NBEA: variants seen among roughly 807,000 people sequenced by gnomAD.
NBEA encodes the protein neurobeachin.
A neutral mutation model predicts 343.4 loss-of-function variants in NBEA; 44 were observed. That is an observed-to-expected ratio of 0.13 (90% CI 0.10 to 0.16). The LOEUF (loss-of-function observed/expected upper bound fraction) is 0.16. Ranked by LOEUF, NBEA falls within the 10% of genes least tolerant of loss-of-function variation. NBEA has a pLI of 1.00. For synonymous variants in NBEA, 1,175 were observed against 1,238.7 expected, an observed-to-expected ratio of 0.95 and a Z score of 1.08; for missense variants, 2,555 against 3,631.3, an observed-to-expected ratio of 0.70 and a Z score of 7.62.
intron 34 of NBEA, among the ~76,000 whole-genome samples, chr13:35,261,721 C>T (rs1301374268): frequency 4.6e-5 from 7 of 151,338 alleles, no homozygotes; most frequent in Non-Finnish European, 1.0e-4. Context: ...AGAGAAAAGA[C>T]GAAAAAAGAA....
intron 10 of NBEA, among the ~76,000 whole-genome samples, chr13:35,086,691 G>T (rs992997260): frequency 6.6e-6 from 1 of 151,722 alleles, no homozygotes; most frequent in East Asian, 1.9e-4. Flanking sequence ...AGGATTGCTG[G>T]GTCGAATGGT....
intron 25 of NBEA, 24 bp downstream of exon 25, chr13:35,169,019 T>A (rs372969665): frequency 1.4e-6 from 2 of 1,476,146 alleles, no homozygotes; most frequent in African/African-American, 2.8e-5. Context: ...TTGTAGTAAT[T>A]TTCAGCTTTC....
At chr13:35,603,863 T>C (rs1024747942) in intron 47 of NBEA, among the ~76,000 whole-genome samples, 1 of 152,250 alleles carries the variant, frequency 6.6e-6, no homozygotes, top group Non-Finnish European at 1.5e-5. Flanking sequence ...CCAGGTCATA[T>C]GCAAATAGCA....
intron 48 of NBEA, among the ~76,000 whole-genome samples, chr13:35,609,310 A>G (rs1460379074): frequency 6.6e-6 from 1 of 152,344 alleles, no homozygotes; most frequent in East Asian, 1.9e-4. Context: ...GGACTAGGCC[A>G]CATTTCCTGC....
intron 41 of NBEA, among the ~76,000 whole-genome samples, chr13:35,535,744 A>G (rs1157592221): frequency 6.6e-6 from 1 of 152,194 alleles, no homozygotes; most frequent in Non-Finnish European, 1.5e-5. Context: ...AAGTTATACA[A>G]ACTTTAGAGT....
chr13:34,968,570 T>C (rs2059902155), intron 1 of NBEA, among the ~76,000 whole-genome samples: 1 of 152,262 alleles, frequency 6.6e-6, no homozygotes, highest in East Asian at 1.9e-4. Context: ...ATTACTGATA[T>C]GTAAATGAAT....
At chr13:35,182,604 A>G in intron 29 of NBEA, 76 bp downstream of exon 29, 1 of 1,325,216 alleles carries the variant, frequency 7.5e-7, no homozygotes, top group South Asian at 1.4e-5. Context: ...TCTAGATTTA[A>G]ACTGGACCTC....
At chr13:35,376,660 T>C (rs2041758301) in intron 38 of NBEA, among the ~76,000 whole-genome samples, 1 of 151,980 alleles carries the variant, frequency 6.6e-6, no homozygotes, top group Non-Finnish European at 1.5e-5. Context: ...AGTCTTAGGG[T>C]GAAACTGATA....
intron 8 of NBEA, among the ~76,000 whole-genome samples, chr13:35,068,914 C>T (rs1479476238): frequency 6.6e-6 from 1 of 152,086 alleles, no homozygotes; most frequent in African/African-American, 2.4e-5. Context: ...TTGAGGAAGT[C>T]CCCATCTGGC....
intron 25 of NBEA, chr13:35,171,066 TC>T: frequency 1.4e-6 from 1 of 697,188 alleles, no homozygotes; most frequent in Non-Finnish European, 2.6e-6. Flanking sequence ...AATGGGCTTT[TC>T]CTTTATTCAA....
intron 10 of NBEA, among the ~76,000 whole-genome samples, chr13:35,076,447 C>T (rs1273958729): frequency 6.6e-6 from 1 of 152,066 alleles, no homozygotes; most frequent in East Asian, 1.9e-4. Context: ...ATTATTCTGT[C>T]TGAAACATCA....
intron 41 of NBEA, chr13:35,475,941 G>A (rs2075842523): frequency 6.2e-7 from 1 of 1,614,006 alleles, no homozygotes; most frequent in African/African-American, 1.3e-5. Context: ...AGATGACCTC[G>A]AGGCCCTCGT....
intron 49 of NBEA, among the ~76,000 whole-genome samples, chr13:35,634,517 G>A (rs919568347): frequency 1.3e-5 from 2 of 152,150 alleles, no homozygotes; most frequent in Non-Finnish European, 2.9e-5. Context: ...ACTAAGTTCT[G>A]AACTTGTCAT....
At position 35,352,140 on chromosome 13, in the gene NBEA, T is replaced by G; in HGVS notation, c.6013-17T>G. The stretch of plus-strand genomic sequence containing the variant: ...GTAAAAAGTTTATTATTATGCATCA[T>G]TTGTATTTCTTTATAGTCACAGTGT... On this transcript the variant is annotated splice_polypyrimidine_tract_variant and intron_variant, in intron 37 of 58. Coordinates refer to ENST00000379939, the MANE Select transcript of NBEA (RefSeq NM_001385012.1). 7.2e-7 allele frequency: 1 copy of G among 1,393,248 alleles called. No homozygotes were observed. Among genetic ancestry groups the G allele is most frequent in the Admixed American group, 2.4e-5 (1 of 41,670 alleles). The allele number at this position is 1,393,248 out of a possible 1,614,324, so 86.3% of individuals were successfully genotyped here.
At chr13:35,354,632 A>G (rs2040392651) in intron 38 of NBEA, among the ~76,000 whole-genome samples, 1 of 151,996 alleles carries the variant, frequency 6.6e-6, no homozygotes, top group African/African-American at 2.4e-5. Flanking sequence ...TTTTATGATC[A>G]TTTACTAACT....
At chr13:35,641,443 G>A (rs115268091) in intron 49 of NBEA, among the ~76,000 whole-genome samples, 67 of 152,070 alleles carry the variant, frequency 4.4e-4, no homozygotes, top group African/African-American at 1.6e-3. Context: ...TCCATCAACA[G>A]AATTGATAAA....
At chr13:35,144,003 C>CA (rs1467575411) in intron 18 of NBEA, among the ~76,000 whole-genome samples, 4 of 152,030 alleles carry the variant, frequency 2.6e-5, no homozygotes, top group African/African-American at 9.7e-5. Context: ...GCACAGTCCT[C>CA]AAACAGGATA....
chr13:35,377,925 G>A (rs1253788908), intron 38 of NBEA, among the ~76,000 whole-genome samples: 1 of 152,048 alleles, frequency 6.6e-6, no homozygotes, highest in African/African-American at 2.4e-5. Context: ...TTTCATTGAA[G>A]TTTCTTATTT....
chr13:34,993,450 T>G (rs1199416573), intron 1 of NBEA, among the ~76,000 whole-genome samples: 1 of 152,220 alleles, frequency 6.6e-6, no homozygotes. Flanking sequence ...GACCTTTGCA[T>G]ATAGTAGATG....
Sources: allele counts gnomAD v4.1 joint callset (sites outside exome capture counted in the v4.1 genomes callset), GRCh38; gene constraint gnomAD v4.1.1; transcripts MANE v1.5; gene names NCBI Gene and HGNC (gene_info 2026-07-23, HGNC 2026-07-21).